UPF2: variants seen among roughly 807,000 people sequenced by gnomAD.
UPF2 encodes UPF2 regulator of nonsense mediated mRNA decay, also known as regulator of nonsense transcripts 2.
UPF2 carries 17 observed loss-of-function variants against 141.4 expected under a neutral mutation model. That is an observed-to-expected ratio of 0.12 (90% CI 0.08 to 0.18). The LOEUF is 0.18. Among genes scored for constraint, UPF2 ranks in the 10% least tolerant of loss-of-function variants. The pLI is 1.00. For missense variants in UPF2, 1,152 were observed against 1,515.9 expected (o/e 0.76, Z 3.99); for synonymous variants, 540 against 498.0 (o/e 1.08, Z -1.12).
rs1267806334 is a variant in UPF2, at chr10:11,931,607, A to G, written c.3688+34T>C. ...CAATTTTGATGCTCAAAAGGCAACA[A>G]AAATTTCCACTTCTCTTATAGATGA... On this transcript the variant is annotated intron_variant, in intron 20 of 21. Transcript: ENST00000357604. This position sits in a 1 kb window ranked among gnomAD's most constrained non-coding sequence, Gnocchi z 5.9. 26 of 1,523,370 alleles carry G rather than the reference A, an allele frequency of 1.7e-5. No homozygotes were observed. Among genetic ancestry groups the G allele is most frequent in the Non-Finnish European group, 2.2e-5 (25 of 1,137,434 alleles). 94.4% of individuals were successfully genotyped at this position (1,523,370 alleles called of 1,614,324 possible). A position where few individuals can be genotyped will look rare whatever the true frequency, so the allele number is the denominator to read the frequency against.
rs145157890 is a variant in UPF2, at chr10:11,945,549, C to A, written c.3175-2381G>T. Among the ~76,000 whole-genome samples, 115 of 152,326 alleles carry A rather than the reference C, an allele frequency of 7.5e-4. 3 individuals are homozygous for A. The East Asian group carries it at 0.019, about 26-fold the overall frequency. ...TTCTCCCACACACAAGCACTTGGAA[C>A]CTCCCTCTGCACATTTTGCTTGCAT... On this transcript the variant is annotated intron_variant, in intron 16 of 21. Coordinates refer to ENST00000357604, the MANE Select transcript of UPF2 (RefSeq NM_015542.4).
intron 4 of UPF2, among the ~76,000 whole-genome samples, chr10:12,005,761 G>GGTTTCACCATGTTGGCTAGGCT (rs1269823785): frequency 6.6e-6 from 1 of 152,016 alleles, no homozygotes; most frequent in Non-Finnish European, 1.5e-5. Flanking sequence ...AGTAGAGATG[G>GGTTTCACCATGTTGGCTAGGCT]GGTTTCGCCA....
intron 12 of UPF2, among the ~76,000 whole-genome samples, chr10:11,957,346 T>C (rs34735901): frequency 0.019 from 2,838 of 151,778 alleles, 43 homozygotes; most frequent in Non-Finnish European, 0.032. Context: ...AGAGAATCAC[T>C]TGAACCCGGG....
rs1834078311 is a variant in UPF2, at chr10:12,008,674, T to C, written c.1307-3947A>G. Among the ~76,000 whole-genome samples, 6 of 150,846 alleles carry C rather than the reference T, an allele frequency of 4.0e-5. No individual in the cohort carries two copies. The South Asian group carries it at 1.3e-3, about 31-fold the overall frequency. ...AAAGAAACATTCATTCTCATACACT[T>C]AGTGGCATGTAAATTTTTTTTTTTA... is the stretch of plus-strand genomic sequence containing the variant. On this transcript the variant is annotated intron_variant, in intron 4 of 21. Coordinates refer to ENST00000357604, the MANE Select transcript of UPF2 (RefSeq NM_015542.4).
Position 11,935,532 on chromosome 10 carries a change from T to G in UPF2, c.3546+1013A>C, listed in dbSNP as rs113719925. Among the ~76,000 whole-genome samples, 3,528 of 152,270 alleles carry G rather than the reference T, an allele frequency of 0.023. 148 individuals carry two copies. The highest frequency in any genetic ancestry group is 0.08 in the African/African-American group (3,326 of 41,536). ...AGAAATGCTGTCAGTTAACACAGGA[T>G]TTCATGGACTCTAAGAAGCAACTTG... On this transcript the variant is annotated intron_variant, in intron 19 of 21. Transcript: ENST00000357604. The surrounding 1 kb of genome is among the most constrained non-coding windows in gnomAD (Gnocchi z 4.9).
In UPF2 at chr10:11,980,626, G is replaced by A. The variant is rs186672281; in HGVS notation, c.1845-1461C>T. Reference sequence around the variant, plus strand: ...CAGATGCCTGCAATCCCAGCTACTCGGGAGACTGAGGCAGGAGAATCACTT... The same window carrying A: ...CAGATGCCTGCAATCCCAGCTACTCAGGAGACTGAGGCAGGAGAATCACTT... On this transcript the variant is annotated intron_variant, in intron 8 of 21. Coordinates refer to ENST00000357604, the MANE Select transcript of UPF2 (RefSeq NM_015542.4). The surrounding 1 kb of genome is among the most constrained non-coding windows in gnomAD (Gnocchi z 4.2). Among the ~76,000 whole-genome samples the A allele has an allele frequency of 3.9e-3, 597 of 152,106 alleles. 1 individual carries two copies. Among genetic ancestry groups the A allele is most frequent in the African/African-American group, 0.014 (575 of 41,486 alleles).
chr10:11,948,468 T>C lies in UPF2; in HGVS notation c.3075A>G (p.Glu1025=). ...NDKDSKDSMT[E]GENLEEDEEE... is the part of the protein sequence containing the mutation. ...CTTCATCCTCTTCAAGATTTTCTCC[T>C]TCTGTCATAGAATCTTTTGAGTCTT... The change falls in exon 16 of 22, where the codon GAA becomes GAG. Residue 1025 remains glutamate (E), a synonymous_variant. Transcript: ENST00000357604. The C allele has an allele frequency of 6.2e-7, 1 of 1,613,264 alleles. No individual in the cohort carries two copies. Among genetic ancestry groups the C allele is most frequent in the Non-Finnish European group, 8.5e-7 (1 of 1,179,954 alleles).
intron 1 of UPF2, among the ~76,000 whole-genome samples, chr10:12,039,360 A>G (rs1588585104): frequency 6.6e-6 from 1 of 152,322 alleles, no homozygotes. Context: ...ATGAATCTCA[A>G]GAGTAGAAAG....
At chr10:12,025,956 G>C (rs1318619349) in intron 3 of UPF2, among the ~76,000 whole-genome samples, 1 of 152,064 alleles carries the variant, frequency 6.6e-6, no homozygotes, top group Middle Eastern at 3.2e-3. Flanking sequence ...ACCACACCCA[G>C]CTAATTTTTA....
intron 15 of UPF2, among the ~76,000 whole-genome samples, chr10:11,950,901 T>C (rs1833065644): frequency 6.6e-6 from 1 of 152,194 alleles, no homozygotes; most frequent in African/African-American, 2.4e-5. Context: ...TGTAAAACCT[T>C]TACCATGAAA....
intron 3 of UPF2, chr10:12,026,530 C>A: frequency 2.4e-6 from 1 of 412,680 alleles, no homozygotes; most frequent in Non-Finnish European, 4.7e-6. Context: ...CACATATGTC[C>A]TCTACTGGTA....
At chr10:11,929,747 C>CT in intron 21 of UPF2, 118 bp downstream of exon 21, 2 of 1,424,216 alleles carry the variant, frequency 1.4e-6, no homozygotes, top group Non-Finnish European at 1.9e-6. Context: ...ATATCAAAGA[C>CT]TTTTCTATTT....
At chr10:11,937,799 CCTGT>C (rs1832873027) in intron 18 of UPF2, among the ~76,000 whole-genome samples, 1 of 152,140 alleles carries the variant, frequency 6.6e-6, no homozygotes, top group African/African-American at 2.4e-5. Flanking sequence ...CAAGCAAAAT[CCTGT>C]TTTATTGTTT....
intron 19 of UPF2, among the ~76,000 whole-genome samples, chr10:11,934,621 G>GT: frequency 6.6e-6 from 1 of 152,272 alleles, no homozygotes; most frequent in East Asian, 1.9e-4. Context: ...ACGGAGTCTC[G>GT]TTCTGTCGCC....
rs888485449 is a variant in UPF2 at position 11,956,039 on chromosome 10, C to G, written c.2574+281G>C. Among the ~76,000 whole-genome samples the G allele has an allele frequency of 6.6e-6, 1 of 151,340 alleles. No homozygotes were observed. Reference sequence around the variant, plus strand: ...TGCACCTGTAGTAGTCCCAGCTACTCGGGAAGTTGAAACAGGAGAATTGCT... The same window carrying G: ...TGCACCTGTAGTAGTCCCAGCTACTGGGGAAGTTGAAACAGGAGAATTGCT... On this transcript the variant is annotated intron_variant, in intron 13 of 21. Coordinates refer to ENST00000357604, the MANE Select transcript of UPF2 (RefSeq NM_015542.4). The surrounding 1 kb of genome is among the most constrained non-coding windows in gnomAD (Gnocchi z 4.2).
chr10:11,986,320 G>A (rs951734692), intron 8 of UPF2, among the ~76,000 whole-genome samples: 4 of 151,970 alleles, frequency 2.6e-5, no homozygotes, highest in African/African-American at 9.7e-5. Flanking sequence ...TGTTTTTAAG[G>A]TCTCCTGAAT....
At chr10:11,930,187 T>C (rs1344063024) in intron 20 of UPF2, among the ~76,000 whole-genome samples, 1 of 152,358 alleles carries the variant, frequency 6.6e-6, no homozygotes. Flanking sequence ...TAATACCCAA[T>C]GTTCCCTTTA....
At chr10:11,946,675 C>A (rs1442403749) in intron 16 of UPF2, among the ~76,000 whole-genome samples, 3 of 152,108 alleles carry the variant, frequency 2.0e-5, no homozygotes, top group African/African-American at 7.2e-5. Flanking sequence ...TTCTTCTATA[C>A]CCCTAACCCA....
chr10:12,019,629 T>TA lies in UPF2; in HGVS notation c.1146-5446dup, dbSNP rs1430197779. ...CAACTCTTATGCTTTGTTATAAAAA[T>TA]AAAAAAAAATTGCCTTCCTTTCGGC... On this transcript the variant is annotated intron_variant, in intron 3 of 21. Coordinates refer to ENST00000357604, the MANE Select transcript of UPF2 (RefSeq NM_015542.4). This position sits in a 1 kb window ranked among gnomAD's most constrained non-coding sequence, Gnocchi z 4.5. Among the ~76,000 whole-genome samples, 8 of 151,414 alleles carry TA rather than the reference T, an allele frequency of 5.3e-5. No individual in the cohort carries two copies. Among genetic ancestry groups the TA allele is most frequent in the East Asian group, 3.8e-4 (2 of 5,200 alleles).
Sources: gnomAD v4.1 joint callset for allele counts (sites outside exome capture counted in the v4.1 genomes callset) on GRCh38, gnomAD v4.1.1 for gene constraint, Gnocchi (gnomAD v3.1) non-coding constraint, MANE v1.5 for transcripts, NCBI Gene and HGNC (gene_info 2026-07-23, HGNC 2026-07-21) for gene names.